ZC3H12B: variants seen among roughly 807,000 people sequenced by gnomAD.
ZC3H12B encodes the protein zinc finger CCCH-type containing 12B.
ZC3H12B carries 7 observed loss-of-function variants against 43.9 expected under a neutral mutation model. The observed-to-expected ratio is 0.16, with a 90% CI of 0.09 to 0.30. ZC3H12B has a LOEUF of 0.30. ZC3H12B is among the 10% of genes least tolerant of loss of function. ZC3H12B has a pLI of 1.00. For missense variants in ZC3H12B, 475 were observed against 670.2 expected (o/e 0.71, Z 3.22); for synonymous variants, 222 against 241.7 (o/e 0.92, Z 0.76).
chrX:65,304,973 C>G, the ZC3H12B span, among the ~76,000 whole-genome samples: 8 of 110,786 alleles, frequency 7.2e-5, no homozygotes, highest in South Asian at 3.0e-3. Flanking sequence ...ATAAAAAAAC[C>G]AAATAAATAA....
intron 2 of ZC3H12B, 32 bp from the exon 5 acceptor site, chrX:65,398,561 C>T (rs1251460029): frequency 1.8e-5 from 2 of 111,029 alleles, no homozygotes; most frequent in Non-Finnish European, 3.8e-5. Flanking sequence ...CACTTACACC[C>T]TCACTCTCTC....
chrX:65,231,771 T>G, the ZC3H12B span, among the ~76,000 whole-genome samples: 490 of 111,842 alleles, frequency 4.4e-3, 3 homozygotes, highest in African/African-American at 0.015. Flanking sequence ...TCTGTTCTTT[T>G]TCAGAGTTCA....
the ZC3H12B span, among the ~76,000 whole-genome samples, chrX:65,207,121 T>C: frequency 2.1e-5 from 2 of 96,570 alleles, no homozygotes; most frequent in African/African-American, 1.1e-4. Flanking sequence ...GAACTAAAAG[T>C]AGAACTATCA....
the ZC3H12B span, chrX:65,186,452 A>C: frequency 9.6e-6 from 1 of 104,707 alleles, no homozygotes. Flanking sequence ...AGATCTCACC[A>C]CTGTACTCCA....
At chrX:65,375,093 T>A (rs1347149409) in intron 2 of ZC3H12B, among the ~76,000 whole-genome samples, 1 of 111,578 alleles carries the variant, frequency 9.0e-6, no homozygotes, top group Admixed American at 9.5e-5. Context: ...AGATGTGTGG[T>A]GTGAGAAAAT....
chrX:65,409,504 T>G (rs59911592), intron 3 of ZC3H12B, among the ~76,000 whole-genome samples: 1,406 of 108,991 alleles, frequency 0.013, 21 homozygotes, highest in African/African-American at 0.045. Flanking sequence ...AGAAGTAGTA[T>G]TATTTTTGTT....
At chrX:65,218,762 T>A in the ZC3H12B span, among the ~76,000 whole-genome samples, 2 of 111,210 alleles carry the variant, frequency 1.8e-5, no homozygotes, top group African/African-American at 6.5e-5. Context: ...AAAGGACATA[T>A]CTCTTGGGAG....
chrX:65,166,006 T>C, the ZC3H12B span, among the ~76,000 whole-genome samples: 1 of 110,411 alleles, frequency 9.1e-6, no homozygotes, highest in African/African-American at 3.4e-5. Flanking sequence ...CATGAGATGG[T>C]ATCTTATTAT....
chrX:65,091,973 A>T, the ZC3H12B span, among the ~76,000 whole-genome samples: 1 of 111,881 alleles, frequency 8.9e-6, no homozygotes, highest in Non-Finnish European at 1.9e-5. Flanking sequence ...ATGTGATTAG[A>T]TCATGGGGGT....
the ZC3H12B span, among the ~76,000 whole-genome samples, chrX:65,265,636 C>T: frequency 1.8e-5 from 2 of 111,796 alleles, no homozygotes; most frequent in African/African-American, 6.5e-5. Flanking sequence ...GTATTTCTTC[C>T]AGTTTTTTTA....
chrX:65,385,466 A>G (rs770037688), intron 2 of ZC3H12B, among the ~76,000 whole-genome samples: 1 of 111,810 alleles, frequency 8.9e-6, no homozygotes, highest in African/African-American at 3.2e-5. Flanking sequence ...TTATTGGTGT[A>G]TAGGAATACT....
At chrX:65,353,825 C>A in the ZC3H12B span, among the ~76,000 whole-genome samples, 1 of 111,530 alleles carries the variant, frequency 9.0e-6, no homozygotes, top group Admixed American at 9.5e-5. Flanking sequence ...GTTTTCCCCT[C>A]ACAGTGTAAA....
At chrX:65,365,969 A>T, upstream of ZC3H12B, among the ~76,000 whole-genome samples, 1 of 110,655 alleles carries the variant, frequency 9.0e-6, no homozygotes, top group Non-Finnish European at 1.9e-5. Context: ...CCTAGTTGAA[A>T]AACAAAAAAC....
the ZC3H12B span, among the ~76,000 whole-genome samples, chrX:65,169,484 A>G: frequency 8.9e-6 from 1 of 111,842 alleles, no homozygotes; most frequent in Non-Finnish European, 1.9e-5. Context: ...TAAGTGCAAT[A>G]TGGTGCTGAG....
At chrX:65,347,466 G>C in the ZC3H12B span, among the ~76,000 whole-genome samples, 1 of 111,831 alleles carries the variant, frequency 8.9e-6, no homozygotes, top group Non-Finnish European at 1.9e-5. Flanking sequence ...ATTTATGCAG[G>C]CAACAGACAC....
At chrX:65,211,757 A>G in the ZC3H12B span, among the ~76,000 whole-genome samples, 3 of 83,822 alleles carry the variant, frequency 3.6e-5, no homozygotes, top group Admixed American at 1.7e-4. Flanking sequence ...ATAATATATT[A>G]TATATAATGT....
At chrX:65,167,603 G>A in the ZC3H12B span, among the ~76,000 whole-genome samples, 2 of 111,622 alleles carry the variant, frequency 1.8e-5, no homozygotes, top group Non-Finnish European at 3.8e-5. Context: ...GCTTTATGGG[G>A]ATTGCATTGA....
At chrX:65,257,454 G>T in the ZC3H12B span, among the ~76,000 whole-genome samples, 3 of 110,507 alleles carry the variant, frequency 2.7e-5, no homozygotes, top group Non-Finnish European at 3.8e-5. Context: ...GGCCTGTGGG[G>T]GGTGGGGACC....
the ZC3H12B span, among the ~76,000 whole-genome samples, chrX:65,164,469 A>C: frequency 9.0e-6 from 1 of 110,881 alleles, no homozygotes; most frequent in Non-Finnish European, 1.9e-5. Flanking sequence ...TGGCTACATG[A>C]CTCCTGAAGC....
Sources: allele counts gnomAD v4.1 joint callset (sites outside exome capture counted in the v4.1 genomes callset), GRCh38; gene constraint gnomAD v4.1.1; transcripts MANE v1.5; gene names NCBI Gene and HGNC (gene_info 2026-07-23, HGNC 2026-07-21).